The following CECR2 variants were observed in gnomAD, a reference collection of about 807,000 sequenced individuals.
CECR2 encodes the protein CECR2 histone acetyl-lysine reader.
A neutral mutation model predicts 154.5 loss-of-function variants in CECR2; 30 were observed. The observed-to-expected ratio is 0.19, with a 90% CI of 0.15 to 0.26. The LOEUF is 0.26. CECR2 is among the 10% of genes least tolerant of loss of function. The probability of loss-of-function intolerance (pLI) is 1.00; values close to 1 mark genes in which losing one functional copy is unlikely to be tolerated. For missense variants in CECR2, 1,743 were observed against 1,829.3 expected, an observed-to-expected ratio of 0.95 and a Z score of 0.86; for synonymous variants, 725 against 683.7, an observed-to-expected ratio of 1.06 and a Z score of -0.94.
At chr22:17,544,171 G>A (rs2056573905) in intron 16 of CECR2, among the ~76,000 whole-genome samples, 1 of 152,134 alleles carries the variant, frequency 6.6e-6, no homozygotes, top group Admixed American at 6.5e-5. Flanking sequence ...TTCGAGACCA[G>A]CCTGGGCAAG....
At chr22:17,372,245 T>C (rs1214678342) in intron 1 of CECR2, among the ~76,000 whole-genome samples, 1 of 152,246 alleles carries the variant, frequency 6.6e-6, no homozygotes, top group Non-Finnish European at 1.5e-5. Flanking sequence ...ACCTGCAGTT[T>C]TTGTCTAATC....
At position 17,539,037 on chromosome 22, in the gene CECR2, T is replaced by C. The variant is rs1333505313; in HGVS notation, c.1413T>C (p.Gly471=). 4 of 1,613,696 alleles carry C rather than the reference T, an allele frequency of 2.5e-6. No homozygotes were observed. In the African/African-American group the frequency reaches 5.3e-5, roughly 22 times the overall value. Residue 471 remains glycine, a synonymous_variant, in exon 13 of 19, where the codon GGT becomes GGC. Coordinates refer to ENST00000262608, the MANE Select transcript of CECR2 (RefSeq NM_001290047.2). ...ISSMEKKLNG[G]LYCTKEEFVN... Reference sequence around the variant, plus strand: ...GCATGGAGAAGAAACTGAATGGAGGTTTATACTGTACCAAGGAGGAATTTG... The same window carrying C: ...GCATGGAGAAGAAACTGAATGGAGGCTTATACTGTACCAAGGAGGAATTTG...
intron 4 of CECR2, 88 bp from the exon 5 acceptor site, chr22:17,500,542 TA>T: frequency 1.1e-6 from 1 of 939,868 alleles, no homozygotes; most frequent in Non-Finnish European, 1.6e-6. Flanking sequence ...TCCTTTTTGG[TA>T]ATCTCATGGC....
At chr22:17,499,646 TG>T in intron 4 of CECR2, 97 bp downstream of exon 4, 3 of 1,284,892 alleles carry the variant, frequency 2.3e-6, no homozygotes, top group Non-Finnish European at 3.2e-6. Context: ...TTTTTCCTAA[TG>T]AAGGAATTCT....
At position 17,511,708 on chromosome 22, in the gene CECR2, G is replaced by A; in HGVS notation, c.871-105G>A. The A allele has an allele frequency of 4.7e-6, 4 of 857,396 alleles. No homozygotes were observed. The Admixed American group carries it at 8.0e-5, about 17-fold the overall frequency. The allele number at this position is 857,396 out of a possible 1,614,324, so 53.1% of individuals were successfully genotyped here. A position where few individuals can be genotyped will look rare whatever the true frequency, so the allele number is the denominator to read the frequency against. On this transcript the variant is annotated intron_variant, in intron 7 of 18. Coordinates refer to ENST00000262608, the MANE Select transcript of CECR2 (RefSeq NM_001290047.2). Reference sequence around the variant, plus strand: ...GGAAGCCTTTGGCCCTAACCTGTGTGCCTCATTGGCCACTTTTTTACTGGC... The same window carrying A: ...GGAAGCCTTTGGCCCTAACCTGTGTACCTCATTGGCCACTTTTTTACTGGC...
Position 17,548,126 on chromosome 22 carries a change from CTCTT to C in CECR2, c.2861-20_2861-17del. On this transcript the variant is annotated intron_variant, in intron 16 of 18. Coordinates refer to ENST00000262608, the MANE Select transcript of CECR2 (RefSeq NM_001290047.2). The stretch of plus-strand genomic sequence containing the variant: ...TTCAGCTACTGAGTTATTTTTTCTC[CTCTT>C]TTTTTTTTTTTTTGCAGCAGAGCCG... 2.9e-6 allele frequency: 4 copies of C among 1,396,280 alleles called. No homozygotes were observed. The highest frequency in any genetic ancestry group is 3.8e-6 in the Non-Finnish European group (4 of 1,046,398). The allele number at this position is 1,396,280 out of a possible 1,614,324, so 86.5% of individuals were successfully genotyped here. A position where few individuals can be genotyped will look rare whatever the true frequency, so the allele number is the denominator to read the frequency against.
chr22:17,382,163 T>C (rs1328267829), intron 1 of CECR2, among the ~76,000 whole-genome samples: 1 of 151,854 alleles, frequency 6.6e-6, no homozygotes, highest in African/African-American at 2.4e-5. Flanking sequence ...GTGCTGGGAT[T>C]ACAGGCGTGA....
chr22:17,496,827 C>T (rs2055637755), intron 2 of CECR2, among the ~76,000 whole-genome samples: 1 of 152,152 alleles, frequency 6.6e-6, no homozygotes, highest in South Asian at 2.1e-4. Context: ...TATGCTTTTA[C>T]CCATTCCACC....
At chr22:17,550,998 C>T (rs117607866) in intron 17 of CECR2, among the ~76,000 whole-genome samples, 1 of 152,234 alleles carries the variant, frequency 6.6e-6, no homozygotes, top group East Asian at 1.9e-4. Context: ...GCATAAAAAC[C>T]AGTGTTCCCC....
rs370040041 is a variant in CECR2, at chr22:17,490,145, T to TGTGTGTGTG, written c.222-7258_222-7257insGTGTGTGTG. Among the ~76,000 whole-genome samples the TGTGTGTGTG allele has an allele frequency of 5.8e-3, 546 of 94,440 alleles. 5 individuals carry two copies. The highest frequency in any genetic ancestry group is 0.017 in the African/African-American group (495 of 29,578). 62.0% of individuals were successfully genotyped at this position (94,440 alleles called of 152,430 possible). ...TGAGATCTGTTCCTTACTGTTTTTT[T>TGTGTGTGTG]TTTGTGTGTGTGTGTGTGTGTGTTT... On this transcript the variant is annotated intron_variant, in intron 2 of 18. Coordinates refer to ENST00000262608, the MANE Select transcript of CECR2 (RefSeq NM_001290047.2).
At chr22:17,537,725 G>T (rs1156871890) in intron 10 of CECR2, among the ~76,000 whole-genome samples, 1 of 152,168 alleles carries the variant, frequency 6.6e-6, no homozygotes, top group African/African-American at 2.4e-5. Flanking sequence ...TATAGGCCGG[G>T]CTCACGCCTG....
intron 1 of CECR2, among the ~76,000 whole-genome samples, chr22:17,423,401 G>A (rs2054285961): frequency 6.6e-6 from 1 of 152,136 alleles, no homozygotes; most frequent in African/African-American, 2.4e-5. Context: ...CAGCTACTCA[G>A]GAGGCTGAGG....
At chr22:17,529,198 G>A (rs1469796032) in intron 9 of CECR2, among the ~76,000 whole-genome samples, 3 of 152,230 alleles carry the variant, frequency 2.0e-5, no homozygotes, top group African/African-American at 7.2e-5. Flanking sequence ...GACAAGAGCA[G>A]AGGCACGGAG....
At chr22:17,472,449 C>T (rs1020658378) in intron 1 of CECR2, among the ~76,000 whole-genome samples, 3 of 152,136 alleles carry the variant, frequency 2.0e-5, no homozygotes, top group Admixed American at 6.5e-5. Flanking sequence ...TGTGTCCTTG[C>T]GGTTCCGGGT....
At chr22:17,493,710 ATTG>A (rs541773594) in intron 2 of CECR2, among the ~76,000 whole-genome samples, 84 of 152,350 alleles carry the variant, frequency 5.5e-4, no homozygotes, top group Admixed American at 2.9e-3. Flanking sequence ...GAAACATGGA[ATTG>A]TTTGAGACAA....
chr22:17,546,582 G>C (rs1218452908), intron 16 of CECR2, among the ~76,000 whole-genome samples: 1 of 150,810 alleles, frequency 6.6e-6, no homozygotes, highest in African/African-American at 2.4e-5. Context: ...CACTTTCATT[G>C]TGTAATTTGT....
At chr22:17,371,898 C>T (rs569760438) in intron 1 of CECR2, among the ~76,000 whole-genome samples, 1 of 152,200 alleles carries the variant, frequency 6.6e-6, no homozygotes, top group Non-Finnish European at 1.5e-5. Context: ...AATAACTTGT[C>T]TTCTGTTATA....
At chr22:17,518,881 C>A in intron 8 of CECR2, 1 of 242,126 alleles carries the variant, frequency 4.1e-6, no homozygotes, top group South Asian at 6.0e-5. Context: ...AGTATCCTTC[C>A]TTCTCCCCCA....
intron 16 of CECR2, among the ~76,000 whole-genome samples, chr22:17,543,776 T>A (rs2056568276): frequency 6.6e-6 from 1 of 152,134 alleles, no homozygotes; most frequent in African/African-American, 2.4e-5. Flanking sequence ...GCCAGGATGG[T>A]CTTGAACGTC....
Sources: allele counts gnomAD v4.1 joint callset (sites outside exome capture counted in the v4.1 genomes callset), GRCh38; gene constraint gnomAD v4.1.1; transcripts MANE v1.5; gene names NCBI Gene and HGNC (gene_info 2026-07-23, HGNC 2026-07-21).